SMOC2: variants seen among roughly 807,000 people sequenced by gnomAD.
SMOC2 encodes SPARC-related modular calcium-binding protein 2.
A neutral mutation model predicts 61.4 loss-of-function variants in SMOC2; 39 were observed. That is an observed-to-expected ratio of 0.64 (90% CI 0.49 to 0.83). The LOEUF (loss-of-function observed/expected upper bound fraction) is 0.83, where lower values mean the gene tolerates loss of function less well. Among genes scored for constraint, SMOC2 ranks in the 40% least tolerant of loss-of-function variants. SMOC2 has a pLI of 0.00. For synonymous variants in SMOC2, 247 were observed against 239.9 expected (o/e 1.03, Z -0.27); for missense variants, 556 against 592.9 (o/e 0.94, Z 0.65).
intron 1 of SMOC2, among the ~76,000 whole-genome samples, chr6:168,490,254 A>G (rs1408765180): frequency 2.6e-5 from 4 of 151,716 alleles, no homozygotes; most frequent in Non-Finnish European, 5.9e-5. Context: ...CCCTTGGATC[A>G]CACTGTTTTA....
chr6:168,474,627 A>G (rs1345411881), intron 1 of SMOC2, among the ~76,000 whole-genome samples: 3 of 152,142 alleles, frequency 2.0e-5, no homozygotes, highest in Non-Finnish European at 4.4e-5. Context: ...GGAGACGTAT[A>G]CAACTGCCTC....
chr6:168,558,876 T>TGC (rs553746286), intron 7 of SMOC2, among the ~76,000 whole-genome samples: 281 of 149,490 alleles, frequency 1.9e-3, no homozygotes, highest in African/African-American at 6.2e-3. Context: ...TGTGCATGTG[T>TGC]GTGCGTGTGT....
At position 168,535,755 on chromosome 6, in the gene SMOC2, A is replaced by C. The variant is rs1358861957; in HGVS notation, c.464-7870A>C. On this transcript the variant is annotated intron_variant, in intron 4 of 12. Coordinates refer to ENST00000356284, the MANE Select transcript of SMOC2 (RefSeq NM_001166412.2). The surrounding 1 kb of genome is among the most constrained non-coding windows in gnomAD (Gnocchi z 4.6). ...AACTGAGGTTGAGCTGGAGGTGAGGATGTCAGGAGAGAGGCAGCGCCGCCG... is the reference window on the plus strand; with the variant it reads ...AACTGAGGTTGAGCTGGAGGTGAGGCTGTCAGGAGAGAGGCAGCGCCGCCG... Among the ~76,000 whole-genome samples the C allele has an allele frequency of 6.6e-6, 1 of 152,224 alleles. No individual in the cohort carries two copies. The highest frequency in any genetic ancestry group is 1.5e-5 in the Non-Finnish European group (1 of 68,044).
In SMOC2 at chr6:168,629,109, C is replaced by T. The variant is rs544011565; in HGVS notation, c.907+20870C>T. The stretch of plus-strand genomic sequence containing the variant: ...TGCCTCGAGCTCCGAGAGGAGGCTT[C>T]GCAGTCACTGGAGCAGCTGTGCTCC... On this transcript the variant is annotated intron_variant, in intron 9 of 12. Coordinates refer to ENST00000356284, the MANE Select transcript of SMOC2 (RefSeq NM_001166412.2). 1.2e-4 allele frequency among the ~76,000 whole-genome samples: 19 copies of T among 152,376 alleles called. No homozygotes were observed. The South Asian group carries it at 1.4e-3, about 12-fold the overall frequency.
chr6:168,636,040 C>A (rs1016301052), intron 9 of SMOC2, among the ~76,000 whole-genome samples: 1 of 152,136 alleles, frequency 6.6e-6, no homozygotes, highest in African/African-American at 2.4e-5. Flanking sequence ...TGAAATCTGG[C>A]AATGAAGGAG....
intron 7 of SMOC2, among the ~76,000 whole-genome samples, chr6:168,563,048 C>T (rs1562350142): frequency 6.6e-6 from 1 of 152,228 alleles, no homozygotes; most frequent in Non-Finnish European, 1.5e-5. Context: ...ATTCCGTCTG[C>T]GTCGAGGAAG....
At chr6:168,542,728 T>C (rs1783899359) in intron 4 of SMOC2, among the ~76,000 whole-genome samples, 1 of 152,164 alleles carries the variant, frequency 6.6e-6, no homozygotes, top group Non-Finnish European at 1.5e-5. Flanking sequence ...ATCCAATGAA[T>C]TGCTTGTAAA....
At chr6:168,506,709 G>C (rs879453003) in intron 1 of SMOC2, among the ~76,000 whole-genome samples, 1 of 152,062 alleles carries the variant, frequency 6.6e-6, no homozygotes, top group Admixed American at 6.5e-5. Flanking sequence ...GCACTGCTTC[G>C]TGGAAATCAA....
chr6:168,555,975 A>G (rs1039630315), intron 7 of SMOC2, among the ~76,000 whole-genome samples: 1 of 152,060 alleles, frequency 6.6e-6, no homozygotes, highest in Admixed American at 6.5e-5. Flanking sequence ...GACGAGGTGG[A>G]CGCTGAAGTC....
At chr6:168,527,424 T>C (rs1783480541) in intron 3 of SMOC2, among the ~76,000 whole-genome samples, 1 of 152,202 alleles carries the variant, frequency 6.6e-6, no homozygotes, top group South Asian at 2.1e-4. Context: ...AAAGTGCTGA[T>C]TTGGGCCCCT....
intron 1 of SMOC2, among the ~76,000 whole-genome samples, chr6:168,507,592 G>A (rs983972112): frequency 2.6e-5 from 4 of 152,356 alleles, no homozygotes; most frequent in Non-Finnish European, 4.4e-5. Context: ...GCCTGCCCCC[G>A]GGGCGCCCCC....
chr6:168,640,873 G>A (rs920400849), intron 9 of SMOC2, among the ~76,000 whole-genome samples: 1 of 152,186 alleles, frequency 6.6e-6, no homozygotes, highest in Admixed American at 6.5e-5. Flanking sequence ...GCTAGCCTGA[G>A]CCTGAACATC....
At chr6:168,636,659 G>A (rs1786729372) in intron 9 of SMOC2, among the ~76,000 whole-genome samples, 1 of 152,250 alleles carries the variant, frequency 6.6e-6, no homozygotes, top group African/African-American at 2.4e-5. Context: ...CTGCTGCTGG[G>A]CTACTGCAGA....
At chr6:168,548,730 A>G (rs1478960415) in intron 6 of SMOC2, among the ~76,000 whole-genome samples, 1 of 152,204 alleles carries the variant, frequency 6.6e-6, no homozygotes, top group East Asian at 1.9e-4. Flanking sequence ...GTTTCAGGCA[A>G]AAGTTATACT....
At chr6:168,574,752 C>T (rs986804372) in intron 7 of SMOC2, among the ~76,000 whole-genome samples, 1 of 152,132 alleles carries the variant, frequency 6.6e-6, no homozygotes, top group African/African-American at 2.4e-5. Context: ...CCCGACCTCC[C>T]TGAAGACCGG....
chr6:168,523,478 C>T (rs1378584646), intron 2 of SMOC2, among the ~76,000 whole-genome samples: 3 of 151,554 alleles, frequency 2.0e-5, no homozygotes, highest in East Asian at 3.9e-4. Flanking sequence ...ATCTCTGCCT[C>T]CCAGGTTCAA....
intron 8 of SMOC2, among the ~76,000 whole-genome samples, chr6:168,599,508 T>A (rs200244545): frequency 8.6e-4 from 47 of 54,574 alleles, no homozygotes; most frequent in East Asian, 1.7e-3. Context: ...CCACTGACAC[T>A]CACACACACA....
At chr6:168,442,628 A>C (rs539028100) in intron 1 of SMOC2, among the ~76,000 whole-genome samples, 1 of 152,272 alleles carries the variant, frequency 6.6e-6, no homozygotes, top group Non-Finnish European at 1.5e-5. Flanking sequence ...TGTTTATTGT[A>C]TTGAAAATAA....
chr6:168,483,323 A>G (rs1226168065), intron 1 of SMOC2, among the ~76,000 whole-genome samples: 1 of 152,098 alleles, frequency 6.6e-6, no homozygotes, highest in African/African-American at 2.4e-5. Flanking sequence ...AGGAAATCAT[A>G]AAAACAATTC....
Sources: gnomAD v4.1 joint callset for allele counts (sites outside exome capture counted in the v4.1 genomes callset) on GRCh38, gnomAD v4.1.1 for gene constraint, Gnocchi (gnomAD v3.1) non-coding constraint, MANE v1.5 for transcripts, NCBI Gene and HGNC (gene_info 2026-07-23, HGNC 2026-07-21) for gene names.